The following STK35 variants were observed in gnomAD, a reference collection of about 807,000 sequenced individuals.
STK35 encodes the protein serine/threonine-protein kinase 35.
A neutral mutation model predicts 37.3 loss-of-function variants in STK35; 17 were observed. The observed-to-expected ratio is 0.46, with a 90% CI of 0.31 to 0.68. The LOEUF (loss-of-function observed/expected upper bound fraction) is 0.68, where lower values mean the gene tolerates loss of function less well. Among genes scored for constraint, STK35 ranks in the 30% least tolerant of loss-of-function variants. STK35 has a pLI of 0.05. For missense variants in STK35, 595 were observed against 746.7 expected, an observed-to-expected ratio of 0.80 and a Z score of 2.37; for synonymous variants, 385 against 319.1, an observed-to-expected ratio of 1.21 and a Z score of -2.20.
chr20:2,108,634 T>G (rs987334096), intron 2 of STK35, among the ~76,000 whole-genome samples: 1 of 152,324 alleles, frequency 6.6e-6, no homozygotes, highest in East Asian at 1.9e-4. Context: ...CCACCTGCTC[T>G]CTGCTCTACT....
At chr20:2,130,879 C>T (rs1052143368) in intron 3 of STK35, among the ~76,000 whole-genome samples, 3 of 145,498 alleles carry the variant, frequency 2.1e-5, no homozygotes, top group African/African-American at 5.6e-5. Flanking sequence ...CCCGTCACAC[C>T]GTGGTTTGAA....
At chr20:2,133,478 A>G (rs1265173944) in intron 3 of STK35, among the ~76,000 whole-genome samples, 1 of 152,240 alleles carries the variant, frequency 6.6e-6, no homozygotes, top group Non-Finnish European at 1.5e-5. Flanking sequence ...CTGTTTCTAG[A>G]GACAAATAGT....
chr20:2,102,041 G>C lies in STK35; in HGVS notation c.160G>C (p.Ala54Pro). 2 of 1,525,510 alleles carry C rather than the reference G, an allele frequency of 1.3e-6. No individual in the cohort carries two copies. The allele number at this position is 1,525,510 out of a possible 1,614,324, so 94.5% of individuals were successfully genotyped here. Residue 54 changes from alanine to proline, a missense_variant, in exon 1 of 4, where the codon GCT (alanine) becomes CCT (proline). Ala to Pro is a conservative substitution (Grantham distance 27). Coordinates refer to ENST00000381482, the MANE Select transcript of STK35 (RefSeq NM_080836.4). Reference protein sequence around the residue: ...PASAAAAEGSATRRARAATSR... With the variant: ...PASAAAAEGSPTRRARAATSR... ...GAGCGCCGCGGCAGCAGAAGGATCC[G>C]CTACACGCCGGGCTCGGGCCGCCAC...
At position 2,116,893 on chromosome 20, in the gene STK35, A is replaced by G. The variant is rs1985726400; in HGVS notation, c.1120A>G (p.Thr374Ala). The change falls in exon 3 of 4, where the codon ACC becomes GCC. Residue 374 changes from threonine (T) to alanine (A), a missense_variant. This residue lies in a region of STK35 where 109 missense variants were observed against 280.3 expected (regional missense o/e 0.39). Coordinates refer to ENST00000381482, the MANE Select transcript of STK35 (RefSeq NM_080836.4). ...DNILITERSG[T>A]PILKVADFGL... ...CATCCTCATCACAGAGCGGTCTGGC[A>G]CCCCCATCCTCAAAGTGGCCGACTT... 1 of 1,614,146 alleles carries G rather than the reference A, an allele frequency of 6.2e-7. No individual in the cohort carries two copies. Among genetic ancestry groups the G allele is most frequent in the Non-Finnish European group, 8.5e-7 (1 of 1,180,024 alleles).
intron 3 of STK35, among the ~76,000 whole-genome samples, chr20:2,138,802 A>G (rs1220132154): frequency 6.6e-6 from 1 of 152,178 alleles, no homozygotes; most frequent in Non-Finnish European, 1.5e-5. Context: ...GGAGGATTGC[A>G]TGAGCGAAGC....
In STK35 at chr20:2,117,910, A is replaced by G. The variant is rs978873513; in HGVS notation, c.*37+495A>G. 2.0e-5 allele frequency among the ~76,000 whole-genome samples: 3 copies of G among 152,220 alleles called. No individual in the cohort carries two copies. The highest frequency in any genetic ancestry group is 2.0e-4 in the Admixed American group (3 of 15,290). ...GGGAGAAACGTGCAATTATCTGAGT[A>G]CACGTTGGAAAGTCTAGAGAAGTCT... On this transcript the variant is annotated intron_variant, in intron 3 of 3. Coordinates refer to ENST00000381482, the MANE Select transcript of STK35 (RefSeq NM_080836.4). This position sits in a 1 kb window ranked among gnomAD's most constrained non-coding sequence, Gnocchi z 4.4.
chr20:2,109,101 C>A (rs1985570127), intron 2 of STK35, among the ~76,000 whole-genome samples: 1 of 152,240 alleles, frequency 6.6e-6, no homozygotes, highest in Non-Finnish European at 1.5e-5. Flanking sequence ...GACTTGATTT[C>A]ATTCCACCGT....
At chr20:2,133,439 T>A (rs1986032789) in intron 3 of STK35, among the ~76,000 whole-genome samples, 1 of 152,236 alleles carries the variant, frequency 6.6e-6, no homozygotes. Flanking sequence ...AATTAGGGTA[T>A]CCACACAGCT....
Position 2,124,791 on chromosome 20 carries a change from T to G in STK35, c.*37+7376T>G, listed in dbSNP as rs6046914. ...ACCTGTATACAAAGAGACATGTCCC[T>G]TGGGGCCTCATCTCTCTGCTGGTGT... On this transcript the variant is annotated intron_variant, in intron 3 of 3. Transcript: ENST00000381482. 2.9e-3 allele frequency among the ~76,000 whole-genome samples: 438 copies of G among 152,306 alleles called. 1 individual carries two copies. Among genetic ancestry groups the G allele is most frequent in the African/African-American group, 9.6e-3 (401 of 41,566 alleles).
chr20:2,128,934 C>G (rs1985952588), intron 3 of STK35, among the ~76,000 whole-genome samples: 1 of 152,086 alleles, frequency 6.6e-6, no homozygotes, highest in Non-Finnish European at 1.5e-5. Flanking sequence ...ACGCGATTCT[C>G]CTGCCTCAGC....
Position 2,103,131 on chromosome 20 carries a change from G to C in STK35, c.658G>C (p.Val220Leu), listed in dbSNP as rs778064026. Residue 220 changes from valine to leucine, a missense_variant, in exon 2 of 4, where the codon GTG becomes CTG. Physicochemically the swap from Val to Leu is conservative, Grantham distance 32. Coordinates refer to ENST00000381482, the MANE Select transcript of STK35 (RefSeq NM_080836.4). ...CAGCTACGGCGTGGTTTATGAGGCA[G>C]TGGCCGGGCGCAGCGGGGCCCGGGT... ...RGSYGVVYEA[V>L]AGRSGARVAV... 4 of 1,604,558 alleles carry C rather than the reference G, an allele frequency of 2.5e-6. No homozygotes were observed. The highest frequency in any genetic ancestry group is 1.7e-4 in the Middle Eastern group (1 of 6,010).
rs915596588 is a variant in STK35, at chr20:2,117,631, G to A, written c.*37+216G>A. 3.9e-5 allele frequency among the ~76,000 whole-genome samples: 6 copies of A among 152,138 alleles called. No individual in the cohort carries two copies. ...GGCTAATTTTTGTATTTTTAGTAGAGACGGAGTTTCACCATGTTGGCTAGG... is the reference window on the plus strand; with the variant it reads ...GGCTAATTTTTGTATTTTTAGTAGAAACGGAGTTTCACCATGTTGGCTAGG... On this transcript the variant is annotated intron_variant, in intron 3 of 3. Transcript: ENST00000381482. This position sits in a 1 kb window ranked among gnomAD's most constrained non-coding sequence, Gnocchi z 4.4.
intron 2 of STK35, among the ~76,000 whole-genome samples, chr20:2,104,136 G>A (rs1985467343): frequency 6.6e-6 from 1 of 152,186 alleles, no homozygotes. Flanking sequence ...AGTCCTGGAG[G>A]AACTAATTAT....
chr20:2,116,877 C>T lies in STK35; in HGVS notation c.1104C>T (p.Ile368=). 6.2e-7 allele frequency: 1 copy of T among 1,614,206 alleles called. No homozygotes were observed. ...HRDLKPDNIL[I]TERSGTPILK... is the part of the protein sequence containing the mutation. Reference sequence around the variant, plus strand: ...ACCTGAAGCCAGACAACATCCTCATCACAGAGCGGTCTGGCACCCCCATCC... The same window carrying T: ...ACCTGAAGCCAGACAACATCCTCATTACAGAGCGGTCTGGCACCCCCATCC... The change falls in exon 3 of 4, where the codon ATC becomes ATT. Residue 368 remains isoleucine, a synonymous_variant. Transcript: ENST00000381482.
intron 3 of STK35, among the ~76,000 whole-genome samples, chr20:2,124,475 C>T (rs1985870464): frequency 6.6e-6 from 1 of 152,004 alleles, no homozygotes; most frequent in African/African-American, 2.4e-5. Flanking sequence ...AGCTGTACCC[C>T]GAAGTGGGTA....
chr20:2,107,805 G>A lies in STK35; in HGVS notation c.892+4440G>A, dbSNP rs73892017. Among the ~76,000 whole-genome samples, 397 of 152,278 alleles carry A rather than the reference G, an allele frequency of 2.6e-3. 3 individuals carry two copies. The highest frequency in any genetic ancestry group is 9.0e-3 in the African/African-American group (375 of 41,548). On this transcript the variant is annotated intron_variant, in intron 2 of 3. Transcript: ENST00000381482. ...AACTCTGAATCCTCTTCTGTGGCTTGGGTCTCAGAGTTTAGAGAGCCGCCA... is the reference window on the plus strand; with the variant it reads ...AACTCTGAATCCTCTTCTGTGGCTTAGGTCTCAGAGTTTAGAGAGCCGCCA...
chr20:2,140,231 C>T (rs1986151549), intron 3 of STK35, among the ~76,000 whole-genome samples: 1 of 152,166 alleles, frequency 6.6e-6, no homozygotes, highest in Non-Finnish European at 1.5e-5. Context: ...GGAGCGGGCT[C>T]TGGTCAGAGG....
At chr20:2,104,014 G>T (rs1045431791) in intron 2 of STK35, among the ~76,000 whole-genome samples, 1 of 152,164 alleles carries the variant, frequency 6.6e-6, no homozygotes. Flanking sequence ...AAAGCATCCG[G>T]CATCTTTTCC....
At chr20:2,128,531 G>C (rs6137064) in intron 3 of STK35, among the ~76,000 whole-genome samples, 28 of 152,202 alleles carry the variant, frequency 1.8e-4, no homozygotes, top group East Asian at 1.9e-4. Context: ...ACTGACTCCC[G>C]CTCAGGCTCT....
Sources: gnomAD v4.1 joint callset for allele counts (sites outside exome capture counted in the v4.1 genomes callset) on GRCh38, gnomAD v4.1.1 for gene constraint, gnomAD v4.1.1 regional missense constraint, Gnocchi (gnomAD v3.1) non-coding constraint, MANE v1.5 for transcripts, NCBI Gene and HGNC (gene_info 2026-07-23, HGNC 2026-07-21) for gene names.